Variants in SCN3A observed in about 807,000 individuals in gnomAD.
The protein encoded by SCN3A is sodium voltage-gated channel alpha subunit 3.
In SCN3A, 60 loss-of-function variants were observed where a neutral mutation model predicts 187.6. That is an observed-to-expected ratio of 0.32 (90% CI 0.26 to 0.40). The LOEUF (loss-of-function observed/expected upper bound fraction) is 0.40, where lower values mean the gene tolerates loss of function less well. Ranked by LOEUF, SCN3A falls within the 10% of genes least tolerant of loss-of-function variation. SCN3A has a pLI of 1.00. For missense variants in SCN3A, 1,601 were observed against 2,428.2 expected, an observed-to-expected ratio of 0.66 and a Z score of 7.16; for synonymous variants, 788 against 829.2, an observed-to-expected ratio of 0.95 and a Z score of 0.85.
At chr2:165,149,659 G>A (rs756800830) in intron 11 of SCN3A, among the ~76,000 whole-genome samples, 3 of 152,148 alleles carry the variant, frequency 2.0e-5, no homozygotes, top group Non-Finnish European at 4.4e-5. Flanking sequence ...CTCAAAGGCA[G>A]ATGTTTCCTG....
chr2:165,197,385 CA>C (rs1293658982), intron 1 of SCN3A, among the ~76,000 whole-genome samples: 3 of 152,050 alleles, frequency 2.0e-5, no homozygotes, highest in Non-Finnish European at 4.4e-5. Context: ...AGCTTTTAAG[CA>C]AATATTGATA....
At chr2:165,110,544 G>A (rs979758302) in intron 21 of SCN3A, among the ~76,000 whole-genome samples, 7 of 152,134 alleles carry the variant, frequency 4.6e-5, no homozygotes, top group African/African-American at 1.7e-4. Flanking sequence ...TTGTTACAGT[G>A]ATATACCCTA....
chr2:165,162,882 T>C (rs933387041), intron 7 of SCN3A, 54 bp from the exon 8 acceptor site: 36 of 1,591,456 alleles, frequency 2.3e-5, no homozygotes, highest in Non-Finnish European at 2.8e-5. Flanking sequence ...AATCATGATT[T>C]CTTAATAGTC....
At chr2:165,134,897 A>G (rs149019897) in intron 15 of SCN3A, among the ~76,000 whole-genome samples, 1 of 152,052 alleles carries the variant, frequency 6.6e-6, no homozygotes, top group Non-Finnish European at 1.5e-5. Context: ...CAGCTCTTCT[A>G]AAATGACTAG....
In SCN3A at chr2:165,140,579, C is replaced by A; in HGVS notation, c.2019+72G>T. On this transcript the variant is annotated intron_variant, in intron 13 of 27. Transcript: ENST00000283254. This position sits in a 1 kb window ranked among gnomAD's most constrained non-coding sequence, Gnocchi z 4.2. Reference sequence around the variant, plus strand: ...TGAGGAAGCAGGACGGTATGACAGCCTAAACTGTCCAGGCTTTGATTATTT... The same window carrying A: ...TGAGGAAGCAGGACGGTATGACAGCATAAACTGTCCAGGCTTTGATTATTT... The A allele has an allele frequency of 7.2e-7, 1 of 1,379,538 alleles. No homozygotes were observed. 85.5% of individuals were successfully genotyped at this position (1,379,538 alleles called of 1,614,324 possible). A position where few individuals can be genotyped will look rare whatever the true frequency, so the allele number is the denominator to read the frequency against.
intron 9 of SCN3A, among the ~76,000 whole-genome samples, chr2:165,162,003 T>G (rs1447092878): frequency 6.6e-6 from 1 of 152,208 alleles, no homozygotes; most frequent in Admixed American, 6.5e-5. Context: ...CTGTGTTTCC[T>G]AACAGCTCTG....
At chr2:165,185,311 G>T (rs16850225) in intron 2 of SCN3A, among the ~76,000 whole-genome samples, 3,579 of 152,234 alleles carry the variant, frequency 0.024, 121 homozygotes, top group African/African-American at 0.075. Context: ...TAAACTGTGT[G>T]TTTGACCCCC....
At chr2:165,111,748 A>T (rs1310738370) in intron 21 of SCN3A, among the ~76,000 whole-genome samples, 1 of 152,186 alleles carries the variant, frequency 6.6e-6, no homozygotes, top group Non-Finnish European at 1.5e-5. Flanking sequence ...TAGCTGCGGA[A>T]TGTGAAAATA....
At chr2:165,146,380 ATATGTGTGTGTG>A (rs1435206248) in intron 12 of SCN3A, among the ~76,000 whole-genome samples, 1,192 of 90,588 alleles carry the variant, frequency 0.013, 22 homozygotes, top group African/African-American at 0.042. Context: ...ATATATATAT[ATATGTGTGTGTG>A]TGTGTGTGTG....
At chr2:165,166,909 T>TG (rs1334308833) in intron 5 of SCN3A, among the ~76,000 whole-genome samples, 1 of 151,994 alleles carries the variant, frequency 6.6e-6, no homozygotes, top group African/African-American at 2.4e-5. Flanking sequence ...TGCCTTTTTT[T>TG]TTTGTTTTGA....
intron 15 of SCN3A, among the ~76,000 whole-genome samples, chr2:165,133,545 C>T (rs1174966086): frequency 6.6e-6 from 1 of 151,528 alleles, no homozygotes; most frequent in East Asian, 1.9e-4. Context: ...TTTCACATCA[C>T]GTTGGCCAGG....
chr2:165,186,199 G>A (rs568128572), intron 2 of SCN3A, among the ~76,000 whole-genome samples: 1 of 152,182 alleles, frequency 6.6e-6, no homozygotes, highest in African/African-American at 2.4e-5. Flanking sequence ...GAACCCGGGA[G>A]GCAGAGCTTG....
At chr2:165,188,804 CAAAAAAAAAAA>C (rs763003775) in intron 1 of SCN3A, among the ~76,000 whole-genome samples, 4 of 72,546 alleles carry the variant, frequency 5.5e-5, no homozygotes, top group South Asian at 5.0e-4. Flanking sequence ...CGCCCCACTT[CAAAAAAAAAAA>C]AAAAAAAAAA....
chr2:165,111,961 A>C (rs1007796209), intron 21 of SCN3A, among the ~76,000 whole-genome samples: 1 of 152,228 alleles, frequency 6.6e-6, no homozygotes, highest in Non-Finnish European at 1.5e-5. Context: ...GAAGAGTAGA[A>C]TCTGGATAGA....
chr2:165,188,211 C>A (rs187050054), intron 1 of SCN3A, among the ~76,000 whole-genome samples: 2 of 152,168 alleles, frequency 1.3e-5, no homozygotes, highest in Admixed American at 6.6e-5. Flanking sequence ...CTTTTTCCTA[C>A]CCTTATGAAA....
At chr2:165,122,748 G>C (rs1686770205) in intron 18 of SCN3A, 1 of 152,228 alleles carries the variant, frequency 6.6e-6, no homozygotes, top group Non-Finnish European at 1.5e-5. Flanking sequence ...GAACATAGCT[G>C]AGTAGCATGC....
rs568215246 is a variant in SCN3A at position 165,158,138 on chromosome 2, G to A, written c.1032-2235C>T. ...AGGCCCTCTCAGCTGACAGAACAAG[G>A]AGATACACATGTTTGTAATTGCTCA... is the stretch of plus-strand genomic sequence containing the variant. On this transcript the variant is annotated intron_variant, in intron 9 of 27. Coordinates refer to ENST00000283254, the MANE Select transcript of SCN3A (RefSeq NM_006922.4). Among the ~76,000 whole-genome samples the A allele has an allele frequency of 4.1e-4, 62 of 152,270 alleles. No individual in the cohort carries two copies. In the South Asian group the frequency reaches 0.012, roughly 30 times the overall value.
chr2:165,196,465 C>T (rs1559285593), intron 1 of SCN3A, among the ~76,000 whole-genome samples: 1 of 152,064 alleles, frequency 6.6e-6, no homozygotes, highest in Non-Finnish European at 1.5e-5. Context: ...AATACTAATA[C>T]TAAATGATGA....
intron 9 of SCN3A, among the ~76,000 whole-genome samples, chr2:165,156,168 G>A (rs1332516012): frequency 6.6e-6 from 1 of 152,018 alleles, no homozygotes; most frequent in Non-Finnish European, 1.5e-5. Context: ...TTTTGGCTCT[G>A]ACATTACCAT....
Sources: allele counts gnomAD v4.1 joint callset (sites outside exome capture counted in the v4.1 genomes callset), GRCh38; gene constraint gnomAD v4.1.1; non-coding constraint Gnocchi (gnomAD v3.1); transcripts MANE v1.5; gene names NCBI Gene and HGNC (gene_info 2026-07-23, HGNC 2026-07-21).